Variants in CLVS1 observed in about 807,000 individuals in gnomAD.
CLVS1 encodes clavesin-1.
In CLVS1, 10 loss-of-function variants were observed where a neutral mutation model predicts 33.1. The observed-to-expected ratio is 0.30, with a 90% CI of 0.19 to 0.51. The LOEUF (loss-of-function observed/expected upper bound fraction) is 0.51, where lower values mean the gene tolerates loss of function less well. CLVS1 is among the 20% of genes least tolerant of loss of function. CLVS1 has a pLI of 0.97. For missense variants in CLVS1, 343 were observed against 433.4 expected, an observed-to-expected ratio of 0.79 and a Z score of 1.85; for synonymous variants, 163 against 166.1, an observed-to-expected ratio of 0.98 and a Z score of 0.14.
the CLVS1 span, among the ~76,000 whole-genome samples, chr8:61,012,769 G>A: frequency 1.3e-5 from 2 of 152,216 alleles, no homozygotes; most frequent in East Asian, 3.9e-4. Context: ...TCTTCACCCC[G>A]CTCCTTTGTT....
At chr8:61,171,568 A>G (rs934859439) in intron 2 of CLVS1, among the ~76,000 whole-genome samples, 3 of 152,186 alleles carry the variant, frequency 2.0e-5, no homozygotes, top group African/African-American at 7.2e-5. Context: ...AACTCTCCAT[A>G]TGGCTTCGCT....
chr8:61,311,830 G>A (rs1810842623), intron 2 of CLVS1, among the ~76,000 whole-genome samples: 1 of 152,174 alleles, frequency 6.6e-6, no homozygotes, highest in Non-Finnish European at 1.5e-5. Context: ...CCCAGTGAAG[G>A]CAGCCAATGC....
Position 61,300,072 on chromosome 8 carries a change from C to T in CLVS1, c.245C>T (p.Ala82Val). 3.7e-6 allele frequency: 6 copies of T among 1,613,956 alleles called. No homozygotes were observed. The highest frequency in any genetic ancestry group is 5.1e-6 in the Non-Finnish European group (6 of 1,179,960). ...DDAFILRFLR[A>V]RKFHQADAFR... ...GCCTTCATCCTGAGATTTCTCCGAG[C>T]CAGGAAGTTTCACCAAGCGGATGCC... Residue 82 changes from alanine (A) to valine (V), a missense_variant, in exon 2 of 6, where the codon GCC (alanine) becomes GTC (valine). Ala to Val is a moderately conservative substitution (Grantham distance 64). Transcript: ENST00000325897.
chr8:61,247,355 T>G (rs11777350), intron 2 of CLVS1, among the ~76,000 whole-genome samples: 12,577 of 152,104 alleles, frequency 0.083, 1,333 homozygotes, highest in African/African-American at 0.25. Flanking sequence ...TGCTTTTAGC[T>G]CTTTGAGGGC....
At chr8:61,417,721 C>T (rs1163018987) in intron 3 of CLVS1, among the ~76,000 whole-genome samples, 1 of 152,180 alleles carries the variant, frequency 6.6e-6, no homozygotes, top group Non-Finnish European at 1.5e-5. Flanking sequence ...ATTATCCATA[C>T]CTACAAATAA....
intron 3 of CLVS1, among the ~76,000 whole-genome samples, chr8:61,438,188 C>T (rs548083755): frequency 4.7e-4 from 72 of 152,126 alleles, no homozygotes; most frequent in Admixed American, 5.9e-4. Flanking sequence ...CCCCCAACCT[C>T]CCCCAACAGG....
the CLVS1 span, among the ~76,000 whole-genome samples, chr8:61,033,055 GAA>G: frequency 1.3e-3 from 77 of 60,530 alleles, 1 homozygote; most frequent in Non-Finnish European, 1.9e-3. Context: ...GAAAAAGAAA[GAA>G]AGATAGAAAG....
intron 2 of CLVS1, among the ~76,000 whole-genome samples, chr8:61,314,601 T>C (rs1810949461): frequency 6.6e-6 from 1 of 152,230 alleles, no homozygotes; most frequent in South Asian, 2.1e-4. Context: ...GTTGAATTAA[T>C]ACTTTCTTCA....
At chr8:61,287,934 G>C (rs1227718019), upstream of CLVS1, 2 of 364,162 alleles carry the variant, frequency 5.5e-6, no homozygotes, top group African/African-American at 2.1e-5. Context: ...GGGAAAGCTA[G>C]GCTCCGTATA....
intron 3 of CLVS1, among the ~76,000 whole-genome samples, chr8:61,445,702 C>A (rs1816736315): frequency 6.6e-6 from 1 of 152,114 alleles, no homozygotes; most frequent in South Asian, 2.1e-4. Flanking sequence ...AAAGTGTTAC[C>A]TTCACTTCTA....
intron 2 of CLVS1, among the ~76,000 whole-genome samples, chr8:61,305,518 T>G (rs1324335011): frequency 1.3e-5 from 2 of 152,216 alleles, no homozygotes; most frequent in Non-Finnish European, 1.5e-5. Context: ...ATTCTTTTTA[T>G]GGCTGAATAA....
intron 5 of CLVS1, among the ~76,000 whole-genome samples, chr8:61,480,373 G>A (rs1818139947): frequency 6.6e-6 from 1 of 152,172 alleles, no homozygotes; most frequent in Admixed American, 6.5e-5. Context: ...GGCGTAGGAT[G>A]CTCCGAGCCA....
chr8:61,465,647 T>G (rs1167979212), intron 5 of CLVS1: 1 of 152,138 alleles, frequency 6.6e-6, no homozygotes, highest in Non-Finnish European at 1.5e-5. Context: ...TAACTTTTTA[T>G]TCCTGTTTTT....
chr8:61,162,612 A>G (rs537375430), intron 2 of CLVS1, among the ~76,000 whole-genome samples: 12 of 152,330 alleles, frequency 7.9e-5, no homozygotes, highest in African/African-American at 2.9e-4. Context: ...AAGCATTTGT[A>G]TGGACTGGTC....
the CLVS1 span, among the ~76,000 whole-genome samples, chr8:60,999,858 G>A: frequency 7.6e-4 from 116 of 152,034 alleles, no homozygotes; most frequent in African/African-American, 2.7e-3. Context: ...TGGGAGGGAG[G>A]TACAGGGAGA....
intron 2 of CLVS1, among the ~76,000 whole-genome samples, chr8:61,266,900 T>A (rs1187896173): frequency 6.6e-6 from 1 of 152,210 alleles, no homozygotes; most frequent in Non-Finnish European, 1.5e-5. Context: ...ATATTGTAGC[T>A]CTTTTTTGTC....
chr8:61,029,543 A>C, the CLVS1 span, among the ~76,000 whole-genome samples: 40 of 152,172 alleles, frequency 2.6e-4, no homozygotes, highest in African/African-American at 8.2e-4. Context: ...GGACCTGCTA[A>C]CAGGGAGCCC....
chr8:61,306,375 G>C (rs994122997), intron 2 of CLVS1, among the ~76,000 whole-genome samples: 2 of 152,048 alleles, frequency 1.3e-5, no homozygotes, highest in Non-Finnish European at 2.9e-5. Context: ...CCACTTTTCT[G>C]TGGGGTTGTT....
intron 2 of CLVS1, among the ~76,000 whole-genome samples, chr8:61,315,098 G>A (rs1315461299): frequency 6.6e-6 from 1 of 152,008 alleles, no homozygotes; most frequent in Non-Finnish European, 1.5e-5. Context: ...TTCTTCCAAG[G>A]TTTCTCCAAC....
Sources: allele counts gnomAD v4.1 joint callset (sites outside exome capture counted in the v4.1 genomes callset), GRCh38; gene constraint gnomAD v4.1.1; transcripts MANE v1.5; gene names NCBI Gene and HGNC (gene_info 2026-07-23, HGNC 2026-07-21).